The following DLC1 variants were observed in gnomAD, a reference collection of about 807,000 sequenced individuals.
DLC1 encodes the protein rho GTPase-activating protein 7.
In DLC1, 54 loss-of-function variants were observed where a neutral mutation model predicts 140.3. That is an observed-to-expected ratio of 0.38 (90% CI 0.31 to 0.48). The LOEUF is 0.48. Ranked by LOEUF, DLC1 falls within the 20% of genes least tolerant of loss-of-function variation. The pLI, the probability that DLC1 is intolerant of heterozygous loss-of-function variation, is 0.96. For missense variants in DLC1, 2,536 were observed against 1,907.0 expected (o/e 1.33, Z -6.14); for synonymous variants, 986 against 728.1 (o/e 1.35, Z -5.70).
At chr8:13,445,849 A>G (rs1328154302) in intron 2 of DLC1, among the ~76,000 whole-genome samples, 1 of 152,208 alleles carries the variant, frequency 6.6e-6, no homozygotes. Context: ...AAAGTTAAGC[A>G]TATCTATGTG....
chr8:13,499,846 T>G lies in DLC1; in HGVS notation c.226A>C (p.Arg76=). ...TCCTTTGAAAGATGACCCATTGGCC[T>G]CCCAGGAAAATCTCTCAGCTCTGAT... ...HGSELRDFPG[R]PMGHLSKDVD... is the part of the protein sequence containing the mutation. Residue 76 remains arginine, a synonymous_variant, in exon 2 of 18, where the codon AGG becomes CGG. Transcript: ENST00000276297. The G allele has an allele frequency of 2.5e-6, 4 of 1,614,060 alleles. No individual in the cohort carries two copies. Among genetic ancestry groups the G allele is most frequent in the Non-Finnish European group, 3.4e-6 (4 of 1,180,000 alleles).
At chr8:13,132,848 C>A in intron 5 of DLC1, 1 of 1,451,640 alleles carries the variant, frequency 6.9e-7, no homozygotes, top group South Asian at 1.2e-5. Context: ...GAACAGGCAC[C>A]GACTTGACAA....
At chr8:13,437,048 A>G (rs1839152002) in intron 2 of DLC1, among the ~76,000 whole-genome samples, 1 of 152,206 alleles carries the variant, frequency 6.6e-6, no homozygotes, top group African/African-American at 2.4e-5. Flanking sequence ...GTCATCTCTC[A>G]AATAGTTTCT....
chr8:13,305,557 G>C (rs898341798), intron 4 of DLC1, among the ~76,000 whole-genome samples: 2 of 152,128 alleles, frequency 1.3e-5, no homozygotes, highest in African/African-American at 4.8e-5. Context: ...CTGGCAATAG[G>C]CTGGGTGTGG....
At chr8:13,362,124 A>G (rs1446776091) in intron 4 of DLC1, among the ~76,000 whole-genome samples, 2 of 152,184 alleles carry the variant, frequency 1.3e-5, no homozygotes, top group Admixed American at 6.5e-5. Flanking sequence ...AATTGGAACC[A>G]TTTTGCAAGG....
Position 13,099,657 on chromosome 8 carries a change from G to T in DLC1, c.2680C>A (p.Leu894Met). 6.2e-7 allele frequency: 1 copy of T among 1,614,200 alleles called. No individual in the cohort carries two copies. Among genetic ancestry groups the T allele is most frequent in the Non-Finnish European group, 8.5e-7 (1 of 1,180,046 alleles). The change falls in exon 9 of 18, where the codon CTG becomes ATG. Residue 894 changes from leucine to methionine, a missense_variant. Physicochemically the swap from Leu to Met is conservative, Grantham distance 15 (BLOSUM62 2). Transcript: ENST00000276297. ...GSILYSSSGD[L>M]ADLENEDIFP... The stretch of plus-strand genomic sequence containing the variant: ...ATGTCCTCGTTCTCCAGATCCGCCA[G>T]GTCCCCTGAACTGGAGTAGAGGATG...
chr8:13,432,100 G>A (rs1386055012), intron 2 of DLC1, among the ~76,000 whole-genome samples: 1 of 151,924 alleles, frequency 6.6e-6, no homozygotes, highest in South Asian at 2.1e-4. Flanking sequence ...ATTTGAAAAT[G>A]ATGGAGCAAA....
intron 5 of DLC1, among the ~76,000 whole-genome samples, chr8:13,180,656 A>G (rs1324344719): frequency 6.6e-6 from 1 of 152,060 alleles, no homozygotes. Flanking sequence ...GTAATCACAT[A>G]TGAACACCCA....
At chr8:13,570,043 TA>T (rs2117409646) in intron 1 of DLC1, among the ~76,000 whole-genome samples, 1 of 152,350 alleles carries the variant, frequency 6.6e-6, no homozygotes, top group Admixed American at 6.5e-5. Flanking sequence ...ATTATTTTTC[TA>T]ACACACAAAT....
rs546787859 is a variant in DLC1, at chr8:13,151,684, C to T, written c.1349-36027G>A. Reference sequence around the variant, plus strand: ...AGAAACTAAAGAAGTTGACCCCAGCCTACTCTTTGCACCCAAGTATTTTTC... The same window carrying T: ...AGAAACTAAAGAAGTTGACCCCAGCTTACTCTTTGCACCCAAGTATTTTTC... On this transcript the variant is annotated intron_variant, in intron 5 of 17. Transcript: ENST00000276297. Among the ~76,000 whole-genome samples, 6 of 152,312 alleles carry T rather than the reference C, an allele frequency of 3.9e-5. No individual in the cohort carries two copies. The East Asian group carries it at 1.2e-3, about 29-fold the overall frequency.
In DLC1 at chr8:13,514,047, T is replaced by C. The variant is rs190160032; in HGVS notation, c.-126+555A>G. ...ATTTCACGTGTTTACTTTTTTTTTT[T>C]AAATGAACCTTTTAAGCTGTACAGG... On this transcript the variant is annotated intron_variant, in intron 1 of 17. Coordinates refer to ENST00000276297, the MANE Select transcript of DLC1 (RefSeq NM_182643.3). 2.0e-5 allele frequency among the ~76,000 whole-genome samples: 3 copies of C among 152,144 alleles called. No homozygotes were observed. The East Asian group carries it at 5.8e-4, about 29-fold the overall frequency.
chr8:13,457,997 A>C (rs1442130084), intron 2 of DLC1, among the ~76,000 whole-genome samples: 1 of 152,198 alleles, frequency 6.6e-6, no homozygotes, highest in Non-Finnish European at 1.5e-5. Flanking sequence ...AGAAGGACCA[A>C]CACAGACCAC....
At chr8:13,476,186 T>C (rs1800425609) in intron 2 of DLC1, among the ~76,000 whole-genome samples, 1 of 152,242 alleles carries the variant, frequency 6.6e-6, no homozygotes, top group African/African-American at 2.4e-5. Flanking sequence ...TTCAGAACCC[T>C]GATTAGCATC....
chr8:13,374,297 C>T (rs144181428), intron 4 of DLC1, among the ~76,000 whole-genome samples: 40 of 110,838 alleles, frequency 3.6e-4, no homozygotes, highest in African/African-American at 1.5e-3. Flanking sequence ...AAATCCATCT[C>T]AAATTCTTTT....
intron 5 of DLC1, among the ~76,000 whole-genome samples, chr8:13,244,108 C>G (rs1334415464): frequency 6.6e-6 from 1 of 152,176 alleles, no homozygotes; most frequent in Non-Finnish European, 1.5e-5. Flanking sequence ...TCCCCAGGCA[C>G]TAATTATTTT....
At chr8:13,175,098 A>C (rs1171404216) in intron 5 of DLC1, among the ~76,000 whole-genome samples, 1 of 152,184 alleles carries the variant, frequency 6.6e-6, no homozygotes, top group Admixed American at 6.5e-5. Flanking sequence ...TTATCCCAGC[A>C]CTACTTATTG....
At chr8:13,552,225 A>T in intron 1 of DLC1, among the ~76,000 whole-genome samples, 2 of 144,690 alleles carry the variant, frequency 1.4e-5, no homozygotes, top group African/African-American at 5.0e-5. Flanking sequence ...CTGTCTAGAC[A>T]GATATATATA....
intron 5 of DLC1, among the ~76,000 whole-genome samples, chr8:13,223,323 G>A (rs370311323): frequency 6.6e-5 from 10 of 152,076 alleles, no homozygotes; most frequent in African/African-American, 7.2e-5. Context: ...CTAATATCTC[G>A]TGCAGCCTCT....
intron 5 of DLC1, among the ~76,000 whole-genome samples, chr8:13,163,245 C>T (rs1046324691): frequency 7.9e-5 from 12 of 152,160 alleles, no homozygotes; most frequent in East Asian, 1.9e-4. Flanking sequence ...TATTAATCCA[C>T]ACCTTTAAGA....
Sources: allele counts gnomAD v4.1 joint callset (sites outside exome capture counted in the v4.1 genomes callset), GRCh38; gene constraint gnomAD v4.1.1; transcripts MANE v1.5; gene names NCBI Gene and HGNC (gene_info 2026-07-23, HGNC 2026-07-21).